MUSK: variants seen among roughly 807,000 people sequenced by gnomAD.
The protein encoded by MUSK is muscle associated receptor tyrosine kinase.
In MUSK, 55 loss-of-function variants were observed where a neutral mutation model predicts 88.7. The ratio of observed to expected loss-of-function variants is 0.62; its 90% CI spans 0.50 to 0.78. The LOEUF is 0.78. Ranked by LOEUF, MUSK falls within the 30% of genes least tolerant of loss-of-function variation. MUSK has a pLI of 0.00. For synonymous variants in MUSK, 387 were observed against 391.9 expected (o/e 0.99, Z 0.15); for missense variants, 1,015 against 1,074.3 (o/e 0.94, Z 0.77).
intron 9 of MUSK, among the ~76,000 whole-genome samples, chr9:110,775,181 C>T (rs745817980): frequency 3.9e-5 from 6 of 152,110 alleles, no homozygotes; most frequent in Non-Finnish European, 8.8e-5. Flanking sequence ...ACAGATAATA[C>T]TTTGGCTTTC....
chr9:110,747,506 G>GA, intron 6 of MUSK, 135 bp from the exon 7 acceptor site: 1 of 859,368 alleles, frequency 1.2e-6, no homozygotes, highest in Non-Finnish European at 1.8e-6. Context: ...CACAGGGAGG[G>GA]AAAATCTTTT....
chr9:110,704,372 T>G (rs1288507706), intron 5 of MUSK, among the ~76,000 whole-genome samples: 2 of 152,210 alleles, frequency 1.3e-5, no homozygotes, highest in Non-Finnish European at 2.9e-5. Flanking sequence ...GCTTTCCATC[T>G]CTGAGCCTCA....
At chr9:110,711,254 A>C (rs997783004) in intron 5 of MUSK, among the ~76,000 whole-genome samples, 4 of 148,096 alleles carry the variant, frequency 2.7e-5, no homozygotes, top group Non-Finnish European at 6.1e-5. Flanking sequence ...AAGTATAATA[A>C]TAATAAAAAA....
At position 110,801,201 on chromosome 9, in the gene MUSK, GA is replaced by G; in HGVS notation, c.*216del. On this transcript the variant is annotated 3_prime_UTR_variant, in exon 15 of 15. Transcript: ENST00000374448. The stretch of plus-strand genomic sequence containing the variant: ...GCCAGTGATTGGAAACACAGGCTAG[GA>G]AATGTGTCAGATAATGGAGACAACT... The G allele has an allele frequency of 2.2e-6, 1 of 445,132 alleles. No individual in the cohort carries two copies. The highest frequency in any genetic ancestry group is 3.9e-6 in the Non-Finnish European group (1 of 255,110). The allele number at this position is 445,132 out of a possible 1,614,324, so 27.6% of individuals were successfully genotyped here.
intron 1 of MUSK, among the ~76,000 whole-genome samples, chr9:110,675,193 C>T (rs7870667): frequency 0.028 from 4,074 of 145,514 alleles, 203 homozygotes; most frequent in African/African-American, 0.099. Flanking sequence ...GATGTGAATT[C>T]AAGTCCTGTG....
chr9:110,784,849 G>A lies in MUSK; in HGVS notation c.1419G>A (p.Val473=), dbSNP rs750052542. ...CAATGACGTCCTCAAAGCCAAGTGTGGACATTCCAAATCTGCCTTCCTCCT... is the reference window on the plus strand; with the variant it reads ...CAATGACGTCCTCAAAGCCAAGTGTAGACATTCCAAATCTGCCTTCCTCCT... ...FPPMTSSKPS[V]DIPNLPSSSS... is the part of the protein sequence containing the mutation. The change falls in exon 12 of 15, where the codon GTG becomes GTA. Residue 473 remains valine, a synonymous_variant. Transcript: ENST00000374448. 2.1e-5 allele frequency: 34 copies of A among 1,613,440 alleles called. No homozygotes were observed. The highest frequency in any genetic ancestry group is 2.9e-5 in the Non-Finnish European group (34 of 1,179,700).
At chr9:110,730,653 T>C (rs2076951492) in intron 5 of MUSK, among the ~76,000 whole-genome samples, 1 of 152,096 alleles carries the variant, frequency 6.6e-6, no homozygotes. Flanking sequence ...TGGCATTTAT[T>C]TTTAATTGCA....
At chr9:110,728,858 C>A in intron 5 of MUSK, 1 of 587,410 alleles carries the variant, frequency 1.7e-6, no homozygotes, top group Non-Finnish European at 2.8e-6. Context: ...TAAGTCACAG[C>A]ACTTAACGGT....
chr9:110,791,170 G>C (rs192411489), intron 14 of MUSK, among the ~76,000 whole-genome samples: 287 of 151,422 alleles, frequency 1.9e-3, no homozygotes, highest in Admixed American at 3.0e-3. Context: ...CGCAGAAGAC[G>C]GGTGATTTCT....
chr9:110,687,287 C>T lies in MUSK; in HGVS notation c.358+19C>T, dbSNP rs376236950. 71 of 1,611,964 alleles carry T rather than the reference C, an allele frequency of 4.4e-5. No homozygotes were observed. The highest frequency in any genetic ancestry group is 1.7e-4 in the Middle Eastern group (1 of 6,054). On this transcript the variant is annotated intron_variant, in intron 3 of 14. Transcript: ENST00000374448. ...AAGATGAGTGAGTGGGAAACAGATT[C>T]GTCTATTGATTTGAAAGTTGACTTG...
chr9:110,752,454 G>A lies in MUSK; in HGVS notation c.913+4654G>A, dbSNP rs117794153. ...CATTTCTGCTTTTGGCCCCTCTCTC[G>A]GCATCCGATGAGGCTGGCCAGAAGT... On this transcript the variant is annotated intron_variant, in intron 7 of 14. Coordinates refer to ENST00000374448, the MANE Select transcript of MUSK (RefSeq NM_005592.4). Among the ~76,000 whole-genome samples, 587 of 152,238 alleles carry A rather than the reference G, an allele frequency of 3.9e-3. 3 individuals carry two copies. Among genetic ancestry groups the A allele is most frequent in the East Asian group, 0.011 (56 of 5,188 alleles).
intron 11 of MUSK, among the ~76,000 whole-genome samples, chr9:110,784,283 C>G (rs2132020699): frequency 6.6e-6 from 1 of 152,176 alleles, no homozygotes; most frequent in South Asian, 2.1e-4. Context: ...AACAGTAATG[C>G]TGATTTTACT....
chr9:110,744,828 G>A (rs958721302), intron 6 of MUSK, among the ~76,000 whole-genome samples: 10 of 152,140 alleles, frequency 6.6e-5, no homozygotes, highest in African/African-American at 2.4e-4. Context: ...ACTACCAGAC[G>A]TAGTCACCTC....
At chr9:110,706,001 A>G in intron 5 of MUSK, 4 of 445,680 alleles carry the variant, frequency 9.0e-6, no homozygotes, top group South Asian at 6.7e-5. Flanking sequence ...TTAATCCCTT[A>G]CAATCACAAT....
At chr9:110,689,614 A>G (rs1309575072) in intron 3 of MUSK, among the ~76,000 whole-genome samples, 1 of 78,376 alleles carries the variant, frequency 1.3e-5, no homozygotes, top group Non-Finnish European at 2.3e-5. Context: ...TATATATTTT[A>G]GTATATATAT....
intron 13 of MUSK, 97 bp downstream of exon 13, chr9:110,785,815 T>A: frequency 1.4e-6 from 1 of 715,878 alleles, no homozygotes; most frequent in Non-Finnish European, 2.1e-6. Context: ...ATTAGCTTTA[T>A]ATATATATAC....
At chr9:110,753,396 C>T (rs1243065914) in intron 7 of MUSK, among the ~76,000 whole-genome samples, 1 of 150,562 alleles carries the variant, frequency 6.6e-6, no homozygotes, top group Non-Finnish European at 1.5e-5. Context: ...TGCACCACTG[C>T]ACCACGGCAC....
intron 3 of MUSK, among the ~76,000 whole-genome samples, chr9:110,688,008 T>TA (rs2076220715): frequency 6.6e-6 from 1 of 152,178 alleles, no homozygotes; most frequent in South Asian, 2.1e-4. Flanking sequence ...GAAGCTGTTC[T>TA]ATTTTCTCCA....
rs1374931787 is a variant in MUSK at position 110,784,890 on chromosome 9, C to T, written c.1460C>T (p.Ser487Phe). Residue 487 changes from serine (S) to phenylalanine (F), a missense_variant, in exon 12 of 15, where the codon TCT becomes TTT. Coordinates refer to ENST00000374448, the MANE Select transcript of MUSK (RefSeq NM_005592.4). ...CCTTCCTCCTCCTCTTCTTCCTTCT[C>T]TGTCTCACCTACATACTCCATGACT... ...NLPSSSSSSFSVSPTYSMTVI... is the reference protein window; with the variant it reads ...NLPSSSSSSFFVSPTYSMTVI... 1.2e-6 allele frequency: 2 copies of T among 1,613,810 alleles called. No homozygotes were observed. The highest frequency in any genetic ancestry group is 1.7e-5 in the Admixed American group (1 of 60,004).
Sources: allele counts gnomAD v4.1 joint callset (sites outside exome capture counted in the v4.1 genomes callset), GRCh38; gene constraint gnomAD v4.1.1; transcripts MANE v1.5; gene names NCBI Gene and HGNC (gene_info 2026-07-23, HGNC 2026-07-21).